Variants in FBXO28 observed in about 807,000 individuals in gnomAD.
FBXO28 encodes F-box protein 28.
In FBXO28, 8 loss-of-function variants were observed where a neutral mutation model predicts 38.1. That is an observed-to-expected ratio of 0.21 (90% CI 0.12 to 0.38). The LOEUF is 0.38. Among genes scored for constraint, FBXO28 ranks in the 10% least tolerant of loss-of-function variants. The probability of loss-of-function intolerance (pLI) is 1.00; values close to 1 mark genes in which losing one functional copy is unlikely to be tolerated. For missense variants in FBXO28, 345 were observed against 460.6 expected, an observed-to-expected ratio of 0.75 and a Z score of 2.30; for synonymous variants, 168 against 173.8, an observed-to-expected ratio of 0.97 and a Z score of 0.26.
chr1:224,148,203 G>C (rs1657556098), intron 3 of FBXO28, among the ~76,000 whole-genome samples: 1 of 152,104 alleles, frequency 6.6e-6, no homozygotes, highest in African/African-American at 2.4e-5. Context: ...ACAAATTGTA[G>C]ATGTATTTTC....
At chr1:224,154,071 G>A (rs1275137942) in intron 4 of FBXO28, among the ~76,000 whole-genome samples, 1 of 152,150 alleles carries the variant, frequency 6.6e-6, no homozygotes, top group Non-Finnish European at 1.5e-5. Flanking sequence ...AATTTACAAT[G>A]GGGTTACATC....
At chr1:224,132,813 AAAAG>A (rs1331010983) in intron 2 of FBXO28, among the ~76,000 whole-genome samples, 3 of 152,126 alleles carry the variant, frequency 2.0e-5, no homozygotes, top group African/African-American at 4.8e-5. Context: ...AAAAAAAAAA[AAAAG>A]AAAAAACAAT....
chr1:224,148,070 C>G lies in FBXO28; in HGVS notation c.517-5072C>G, dbSNP rs554134615. The stretch of plus-strand genomic sequence containing the variant: ...TGAAAACATAGATTATCCCATTTGA[C>G]TAAAATAATCTCTATACAGTAAGAT... On this transcript the variant is annotated intron_variant, in intron 3 of 4. Coordinates refer to ENST00000366862, the MANE Select transcript of FBXO28 (RefSeq NM_015176.4). Among the ~76,000 whole-genome samples the G allele has an allele frequency of 2.0e-5, 3 of 152,198 alleles. No individual in the cohort carries two copies. In the South Asian group the frequency reaches 6.2e-4, roughly 32 times the overall value.
At chr1:224,143,904 G>T (rs1352582053) in intron 3 of FBXO28, among the ~76,000 whole-genome samples, 3 of 150,292 alleles carry the variant, frequency 2.0e-5, no homozygotes, top group Non-Finnish European at 4.4e-5. Context: ...CCAGCACTTT[G>T]GGAGGCTGAG....
chr1:224,124,264 CTACATTTATTCTCTTACAGTAGAACAG>C (rs1656851247), intron 1 of FBXO28, among the ~76,000 whole-genome samples: 1 of 152,178 alleles, frequency 6.6e-6, no homozygotes, highest in South Asian at 2.1e-4. Flanking sequence ...ACTAAGAAAA[CTACATTTATTCTCTTACAGTAGAACAG>C]TGAGTAACAG....
intron 1 of FBXO28, among the ~76,000 whole-genome samples, chr1:224,123,145 C>T (rs978096943): frequency 6.6e-6 from 1 of 151,984 alleles, no homozygotes; most frequent in Non-Finnish European, 1.5e-5. Context: ...AACAAGCAGC[C>T]TAATCAGCTT....
At chr1:224,138,515 A>T (rs1017389064) in intron 3 of FBXO28, among the ~76,000 whole-genome samples, 1 of 151,792 alleles carries the variant, frequency 6.6e-6, no homozygotes, top group Non-Finnish European at 1.5e-5. Context: ...CTTCTCTCAG[A>T]ACTAAGATGT....
rs1344924696 is a variant in FBXO28, at chr1:224,161,633, A to G, written c.*3887A>G. On this transcript the variant is annotated 3_prime_UTR_variant, in exon 5 of 5. Coordinates refer to ENST00000366862, the MANE Select transcript of FBXO28 (RefSeq NM_015176.4). ...AATTAGTTGGCTGCTCCCTACCATG[A>G]TTTTACTTTTAATAGCAATACAGTT... 1 of 152,208 alleles carries G rather than the reference A, an allele frequency of 6.6e-6. No homozygotes were observed. Among genetic ancestry groups the G allele is most frequent in the African/African-American group, 2.4e-5 (1 of 41,446 alleles). The allele number at this position is 152,208 out of a possible 1,614,324, so 9.4% of individuals were successfully genotyped here. A position where few individuals can be genotyped will look rare whatever the true frequency, so the allele number is the denominator to read the frequency against.
At position 224,137,496 on chromosome 1, in the gene FBXO28, C is replaced by T. The variant is rs568734319; in HGVS notation, c.516+3284C>T. Reference sequence around the variant, plus strand: ...CAAGATCATGCCACTGCACTCCAGCCTGGCAACAGAGCGAGACTCTGTCTC... The same window carrying T: ...CAAGATCATGCCACTGCACTCCAGCTTGGCAACAGAGCGAGACTCTGTCTC... On this transcript the variant is annotated intron_variant, in intron 3 of 4. Transcript: ENST00000366862. 1.6e-3 allele frequency among the ~76,000 whole-genome samples: 241 copies of T among 151,476 alleles called. 1 individual carries two copies. Among genetic ancestry groups the T allele is most frequent in the South Asian group, 0.013 (64 of 4,810 alleles).
rs33965694 is a variant in FBXO28, at chr1:224,143,835, C to CAAA, written c.517-9295_517-9293dup. On this transcript the variant is annotated intron_variant, in intron 3 of 4. Transcript: ENST00000366862. ...TGGACGACAGAGCAAGACTCCATCTCAAAAAAAAAAAAAAGAAAAATGAAT... is the reference window on the plus strand; with the variant it reads ...TGGACGACAGAGCAAGACTCCATCTCAAAAAAAAAAAAAAAAAGAAAAATGAAT... Among the ~76,000 whole-genome samples, 88 of 119,194 alleles carry CAAA rather than the reference C, an allele frequency of 7.4e-4. 1 individual carries two copies. The highest frequency in any genetic ancestry group is 9.8e-4 in the Admixed American group (11 of 11,220). 78.2% of individuals were successfully genotyped at this position (119,194 alleles called of 152,430 possible).
intron 1 of FBXO28, among the ~76,000 whole-genome samples, chr1:224,127,576 A>G (rs1322336116): frequency 6.6e-6 from 1 of 152,168 alleles, no homozygotes; most frequent in Admixed American, 6.5e-5. Flanking sequence ...AATACTGATA[A>G]CTGGTTTAGT....
rs1053635741 is a variant in FBXO28, at chr1:224,137,995, A to T, written c.516+3783A>T. Among the ~76,000 whole-genome samples the T allele has an allele frequency of 7.2e-5, 11 of 151,958 alleles. 2 individuals carry two copies. Among genetic ancestry groups the T allele is most frequent in the African/African-American group, 2.4e-4 (10 of 41,228 alleles). On this transcript the variant is annotated intron_variant, in intron 3 of 4. Transcript: ENST00000366862. ...GTAATCCCAGCACTTTGGGAGGCTG[A>T]GGCGGGCAAATCACTTGAGATCAGG...
intron 3 of FBXO28, among the ~76,000 whole-genome samples, chr1:224,135,431 T>C (rs1657150814): frequency 6.6e-6 from 1 of 151,940 alleles, no homozygotes; most frequent in African/African-American, 2.4e-5. Context: ...ACAGAGTTCA[T>C]GTGGCCTACA....
At chr1:224,146,746 C>T (rs1302475673) in intron 3 of FBXO28, among the ~76,000 whole-genome samples, 2 of 123,640 alleles carry the variant, frequency 1.6e-5, no homozygotes, top group Non-Finnish European at 3.1e-5. Flanking sequence ...CTTGCTGTGT[C>T]GCCCAGGCTG....
chr1:224,126,961 A>T (rs1656917603), intron 1 of FBXO28, among the ~76,000 whole-genome samples: 1 of 152,128 alleles, frequency 6.6e-6, no homozygotes, highest in Non-Finnish European at 1.5e-5. Context: ...CTTCCTAATA[A>T]GTTGAGAAGT....
At chr1:224,138,636 GAC>G (rs1377370573) in intron 3 of FBXO28, among the ~76,000 whole-genome samples, 1 of 151,838 alleles carries the variant, frequency 6.6e-6, no homozygotes, top group East Asian at 1.9e-4. Context: ...CACATATACT[GAC>G]ACACAACCGT....
rs1020088256 is a variant in FBXO28, at chr1:224,160,781, T to A, written c.*3035T>A. 1 of 152,210 alleles carries A rather than the reference T, an allele frequency of 6.6e-6. No individual in the cohort carries two copies. Among genetic ancestry groups the A allele is most frequent in the Non-Finnish European group, 1.5e-5 (1 of 68,034 alleles). 9.4% of individuals were successfully genotyped at this position (152,210 alleles called of 1,614,324 possible). On this transcript the variant is annotated 3_prime_UTR_variant, in exon 5 of 5. Transcript: ENST00000366862. ...TGAACTTTACAGGGGCTTGCCTTAA[T>A]CTCTATTTAGTAGTTTCAAGATATA...
intron 3 of FBXO28, among the ~76,000 whole-genome samples, chr1:224,146,702 ATTTTTT>A (rs5781350): frequency 0.16 from 17,556 of 110,426 alleles, 1,383 homozygotes; most frequent in East Asian, 0.41. Context: ...TAAAACTAAA[ATTTTTT>A]TTTTTTTTTT....
chr1:224,117,985 T>TTTAATTTA (rs1186614353), intron 1 of FBXO28, among the ~76,000 whole-genome samples: 2 of 100,152 alleles, frequency 2.0e-5, no homozygotes, highest in Admixed American at 8.8e-5. Context: ...TAGGGAGCTT[T>TTTAATTTA]TTAATTAATT....
Sources: allele counts gnomAD v4.1 joint callset (sites outside exome capture counted in the v4.1 genomes callset), GRCh38; gene constraint gnomAD v4.1.1; transcripts MANE v1.5; gene names NCBI Gene and HGNC (gene_info 2026-07-23, HGNC 2026-07-21).